The following ALK variants were observed in gnomAD, a reference collection of about 807,000 sequenced individuals.
ALK encodes the protein ALK tyrosine kinase receptor.
A neutral mutation model predicts 163.1 loss-of-function variants in ALK; 74 were observed. The observed-to-expected ratio is 0.45, with a 90% CI of 0.38 to 0.55. The LOEUF (loss-of-function observed/expected upper bound fraction) is 0.55, where lower values mean the gene tolerates loss of function less well. ALK is among the 20% of genes least tolerant of loss of function. The pLI is 0.00. For missense variants in ALK, 2,063 were observed against 2,105.3 expected (o/e 0.98, Z 0.39); for synonymous variants, 960 against 843.2 (o/e 1.14, Z -2.40).
chr2:29,531,011 T>C (rs1411748602), intron 4 of ALK, among the ~76,000 whole-genome samples: 1 of 152,204 alleles, frequency 6.6e-6, no homozygotes, highest in African/African-American at 2.4e-5. Context: ...TTCAGCCTTA[T>C]TGCCAAAGCA....
chr2:29,672,390 T>C (rs1160140768), intron 3 of ALK, among the ~76,000 whole-genome samples: 6 of 149,074 alleles, frequency 4.0e-5, no homozygotes, highest in African/African-American at 1.2e-4. Flanking sequence ...TGTGATCTCA[T>C]TGTTCAATTC....
At chr2:29,773,112 T>G (rs1191485289) in intron 1 of ALK, among the ~76,000 whole-genome samples, 2 of 152,234 alleles carry the variant, frequency 1.3e-5, no homozygotes, top group Non-Finnish European at 2.9e-5. Context: ...TTAATACAAA[T>G]TTTGGTAAAA....
At chr2:29,615,348 C>T (rs2148224574) in intron 3 of ALK, among the ~76,000 whole-genome samples, 1 of 152,302 alleles carries the variant, frequency 6.6e-6, no homozygotes, top group South Asian at 2.1e-4. Context: ...GCTCTGGCAC[C>T]AGACTGTCTG....
At chr2:29,423,602 A>T (rs1238609086) in intron 4 of ALK, among the ~76,000 whole-genome samples, 1 of 152,214 alleles carries the variant, frequency 6.6e-6, no homozygotes, top group East Asian at 1.9e-4. Context: ...GAGCAATAAA[A>T]CTGCCATAAA....
chr2:29,818,887 C>G (rs1664969387), intron 1 of ALK, among the ~76,000 whole-genome samples: 1 of 152,200 alleles, frequency 6.6e-6, no homozygotes, highest in African/African-American at 2.4e-5. Flanking sequence ...TTGGAAGGCA[C>G]CCCAGACCAA....
At chr2:29,749,377 G>A (rs1680291504) in intron 1 of ALK, among the ~76,000 whole-genome samples, 1 of 152,166 alleles carries the variant, frequency 6.6e-6, no homozygotes, top group African/African-American at 2.4e-5. Context: ...AATGCTTGGG[G>A]ACACCAACCT....
At chr2:29,308,828 T>G (rs1040479961) in intron 8 of ALK, among the ~76,000 whole-genome samples, 1 of 152,096 alleles carries the variant, frequency 6.6e-6, no homozygotes, top group Non-Finnish European at 1.5e-5. Context: ...GGGGACACTT[T>G]GTTAGAGATA....
chr2:29,193,563 G>A lies in ALK; in HGVS notation c.4524C>T (p.Gly1508=), dbSNP rs760733288. The A allele has an allele frequency of 9.9e-6, 16 of 1,614,196 alleles. No homozygotes were observed. The highest frequency in any genetic ancestry group is 1.6e-4 in the Middle Eastern group (1 of 6,062). ...TGGTGGGTTTCTCTGTAAACCAGGA[G>A]CCGTACGTTGGGTTCCACAAGCTGG... ...KPTSLWNPTY[G]SWFTEKPTKK... is the part of the protein sequence containing the mutation. The change falls in exon 29 of 29, where the codon GGC becomes GGT. Residue 1508 remains glycine, a synonymous_variant. Coordinates refer to ENST00000389048, the MANE Select transcript of ALK (RefSeq NM_004304.5).
chr2:29,724,971 T>C (rs884388), intron 1 of ALK, among the ~76,000 whole-genome samples: 100,300 of 151,756 alleles, frequency 0.66, 36,649 homozygotes, highest in Non-Finnish European at 0.82. Context: ...TCAGCATGCA[T>C]TTCCTGCCTC....
chr2:29,663,161 G>C (rs948459091), intron 3 of ALK, among the ~76,000 whole-genome samples: 4 of 152,022 alleles, frequency 2.6e-5, no homozygotes, highest in African/African-American at 9.7e-5. Flanking sequence ...ACTAAACCAC[G>C]GGCCTAATTT....
At chr2:29,797,047 T>C (rs1044236839) in intron 1 of ALK, among the ~76,000 whole-genome samples, 5 of 151,490 alleles carry the variant, frequency 3.3e-5, no homozygotes, top group African/African-American at 1.2e-4. Context: ...CATATATATA[T>C]GGAGAAACAA....
intron 4 of ALK, among the ~76,000 whole-genome samples, chr2:29,408,860 G>A (rs1296467374): frequency 6.6e-6 from 1 of 152,190 alleles, no homozygotes; most frequent in Admixed American, 6.5e-5. Flanking sequence ...GCTTGAGAAT[G>A]CTCAGGTAGA....
rs544245007 is a variant in ALK, at chr2:29,458,990, A to C, written c.1154+72925T>G. Among the ~76,000 whole-genome samples the C allele has an allele frequency of 2.6e-5, 4 of 152,272 alleles. No individual in the cohort carries two copies. The South Asian group carries it at 8.3e-4, about 32-fold the overall frequency. On this transcript the variant is annotated intron_variant, in intron 4 of 28. Coordinates refer to ENST00000389048, the MANE Select transcript of ALK (RefSeq NM_004304.5). Reference sequence around the variant, plus strand: ...CACTTTTCCATTTTAATAGGCTTATAGGTCACTTGGGAAATGTTTCAAAAT... The same window carrying C: ...CACTTTTCCATTTTAATAGGCTTATCGGTCACTTGGGAAATGTTTCAAAAT...
rs937696530 is a variant in ALK at position 29,618,657 on chromosome 2, A to T, written c.952+76193T>A. Among the ~76,000 whole-genome samples, 7 of 152,254 alleles carry T rather than the reference A, an allele frequency of 4.6e-5. No homozygotes were observed. The East Asian group carries it at 1.4e-3, about 29-fold the overall frequency. On this transcript the variant is annotated intron_variant, in intron 3 of 28. Coordinates refer to ENST00000389048, the MANE Select transcript of ALK (RefSeq NM_004304.5). ...TGCCCACGCTACAGACTAGGTGGCT[A>T]CTACCCGTGATATGCAAAACCAATA...
chr2:29,722,438 C>T (rs1483449140), intron 1 of ALK, among the ~76,000 whole-genome samples: 2 of 152,228 alleles, frequency 1.3e-5, no homozygotes, highest in Non-Finnish European at 2.9e-5. Context: ...ATAACCAGAA[C>T]CACATTGTAG....
In ALK at chr2:29,207,176, G is replaced by A. The variant is rs1669333390; in HGVS notation, c.3933C>T (p.Asp1311=). The change falls in exon 26 of 29, where the codon GAC becomes GAT. Residue 1311 remains aspartate (D), a synonymous_variant. Transcript: ENST00000389048. ...GAGGATGATGGCTGACTTACCATGTGTCTGTTTTAGAAGTGAATATTCCTT... is the reference window on the plus strand; with the variant it reads ...GAGGATGATGGCTGACTTACCATGTATCTGTTTTAGAAGTGAATATTCCTT... ...FMEGIFTSKT[D]TWSFGVLLWE... The A allele has an allele frequency of 5.6e-6, 9 of 1,612,896 alleles. No homozygotes were observed. The highest frequency in any genetic ancestry group is 6.8e-6 in the Non-Finnish European group (8 of 1,178,898).
intron 3 of ALK, among the ~76,000 whole-genome samples, chr2:29,574,566 TC>T (rs1674470700): frequency 3.3e-5 from 5 of 152,352 alleles, no homozygotes; most frequent in African/African-American, 1.2e-4. Flanking sequence ...CCAAACAGCA[TC>T]TCTCTGACTG....
At chr2:29,235,435 G>A (rs989762013) in intron 13 of ALK, among the ~76,000 whole-genome samples, 7 of 152,062 alleles carry the variant, frequency 4.6e-5, no homozygotes, top group Admixed American at 6.6e-5. Flanking sequence ...TGGATTTAAC[G>A]ATGGAAATAA....
intron 4 of ALK, among the ~76,000 whole-genome samples, chr2:29,512,533 C>A (rs1029111877): frequency 1.4e-5 from 2 of 147,546 alleles, no homozygotes; most frequent in African/African-American, 2.5e-5. Context: ...AAACCCACAG[C>A]CAATATCATA....
Sources: allele counts gnomAD v4.1 joint callset (sites outside exome capture counted in the v4.1 genomes callset), GRCh38; gene constraint gnomAD v4.1.1; transcripts MANE v1.5; gene names NCBI Gene and HGNC (gene_info 2026-07-23, HGNC 2026-07-21).